Variants in OCA2 observed in about 807,000 individuals in gnomAD.
OCA2 encodes P protein.
OCA2 carries 77 observed loss-of-function variants against 100.2 expected under a neutral mutation model. That is an observed-to-expected ratio of 0.77 (90% confidence interval 0.64 to 0.93). The LOEUF (loss-of-function observed/expected upper bound fraction) is 0.93. OCA2 is among the 40% of genes least tolerant of loss of function. The pLI, the probability that OCA2 is intolerant of heterozygous loss-of-function variation, is 0.00. For missense variants in OCA2, 1,062 were observed against 1,089.1 expected (o/e 0.98, Z 0.35); for synonymous variants, 432 against 439.2 (o/e 0.98, Z 0.21).
intron 23 of OCA2, among the ~76,000 whole-genome samples, chr15:27,781,599 T>C (rs903138574): frequency 2.6e-5 from 4 of 152,250 alleles, no homozygotes; most frequent in Admixed American, 2.6e-4. Flanking sequence ...TTGTGTGCTT[T>C]ATCATCTTTA....
chr15:27,955,677 A>T (rs1249923672), intron 16 of OCA2, among the ~76,000 whole-genome samples: 2 of 151,834 alleles, frequency 1.3e-5, no homozygotes, highest in Non-Finnish European at 2.9e-5. Context: ...GTTGTTTTTT[A>T]TCAATCGATG....
At chr15:27,798,021 C>T (rs886982709) in intron 23 of OCA2, among the ~76,000 whole-genome samples, 2 of 152,224 alleles carry the variant, frequency 1.3e-5, no homozygotes, top group Non-Finnish European at 2.9e-5. Flanking sequence ...AGCAGGTGTG[C>T]AGGCACCAGG....
intron 19 of OCA2, among the ~76,000 whole-genome samples, chr15:27,886,088 C>G (rs550922362): frequency 6.6e-6 from 1 of 152,160 alleles, no homozygotes. Flanking sequence ...TTGGGAAGAG[C>G]ATCCCACGTA....
At chr15:27,728,019 G>A in the OCA2 span, among the ~76,000 whole-genome samples, 147 of 152,192 alleles carry the variant, frequency 9.7e-4, 1 homozygote, top group African/African-American at 3.4e-3. Context: ...TCTCACACAC[G>A]CCAAAGGCAT....
At chr15:27,920,990 GAAT>G (rs2038836286) in intron 19 of OCA2, among the ~76,000 whole-genome samples, 1 of 143,852 alleles carries the variant, frequency 7.0e-6, no homozygotes, top group Non-Finnish European at 1.5e-5. Flanking sequence ...AAAAGGAAGA[GAAT>G]AATTTTTTTT....
chr15:27,845,156 T>C, intron 22 of OCA2, 104 bp from the exon 23 acceptor site: 2 of 892,068 alleles, frequency 2.2e-6, no homozygotes, highest in Non-Finnish European at 3.7e-6. Context: ...TTGATTTGAT[T>C]ATTATTTTAT....
intron 21 of OCA2, among the ~76,000 whole-genome samples, chr15:27,854,975 G>A (rs150877584): frequency 2.6e-5 from 4 of 152,310 alleles, no homozygotes; most frequent in Admixed American, 1.3e-4. Context: ...CCTGTGCTGC[G>A]AGGTCCATCA....
chr15:27,843,481 C>A (rs114421741), intron 23 of OCA2, among the ~76,000 whole-genome samples: 117 of 152,304 alleles, frequency 7.7e-4, no homozygotes, highest in African/African-American at 2.5e-3. Context: ...TAAGGTAATT[C>A]TTGTTTAACT....
At chr15:28,017,768 T>C (rs769802532) in intron 7 of OCA2, among the ~76,000 whole-genome samples, 2 of 152,184 alleles carry the variant, frequency 1.3e-5, no homozygotes, top group Non-Finnish European at 2.9e-5. Flanking sequence ...GAACCAGGGC[T>C]ACGACTTCCA....
chr15:27,982,046 T>TA (rs1324789672), intron 14 of OCA2, among the ~76,000 whole-genome samples: 2 of 148,240 alleles, frequency 1.3e-5, no homozygotes, highest in East Asian at 5.4e-4. Context: ...TTCCATGTGT[T>TA]TTGTCTGGTT....
At chr15:27,824,516 A>G (rs1595470611) in intron 23 of OCA2, among the ~76,000 whole-genome samples, 1 of 150,766 alleles carries the variant, frequency 6.6e-6, no homozygotes, top group East Asian at 2.0e-4. Context: ...ATTAAAACAG[A>G]GGGGCAGGCA....
At chr15:27,736,972 T>C in the OCA2 span, among the ~76,000 whole-genome samples, 1 of 152,244 alleles carries the variant, frequency 6.6e-6, no homozygotes, top group African/African-American at 2.4e-5. Context: ...CTGTGGGAAT[T>C]ATTAATTAAA....
At chr15:27,785,515 T>A (rs72708998) in intron 23 of OCA2, among the ~76,000 whole-genome samples, 42,163 of 152,002 alleles carry the variant, frequency 0.28, 6,919 homozygotes, top group Non-Finnish European at 0.37. Context: ...GAAATTCAAA[T>A]CAAAACCACA....
chr15:27,991,083 A>G (rs767277108), intron 9 of OCA2, among the ~76,000 whole-genome samples: 41 of 152,358 alleles, frequency 2.7e-4, no homozygotes, highest in Admixed American at 2.0e-3. Flanking sequence ...GTGTTATCAC[A>G]AAAGCATCTT....
intron 19 of OCA2, among the ~76,000 whole-genome samples, chr15:27,878,299 T>C (rs898361744): frequency 1.4e-4 from 21 of 152,152 alleles, no homozygotes; most frequent in Admixed American, 1.3e-4. Flanking sequence ...TATTTACCAT[T>C]TCTGCTGTTC....
intron 23 of OCA2, among the ~76,000 whole-genome samples, chr15:27,770,284 C>T (rs1236107575): frequency 1.3e-5 from 2 of 152,102 alleles, no homozygotes; most frequent in Non-Finnish European, 2.9e-5. Context: ...CGCGGGGCCA[C>T]GGAGACACTG....
the OCA2 span, among the ~76,000 whole-genome samples, chr15:27,728,084 C>G: frequency 2.6e-5 from 4 of 152,166 alleles, no homozygotes; most frequent in Non-Finnish European, 1.5e-5. Flanking sequence ...ACTCCAAGTC[C>G]ATTATCTCAT....
At chr15:28,009,684 T>TCACACAAACACACA (rs2042185679) in intron 9 of OCA2, among the ~76,000 whole-genome samples, 1 of 138,008 alleles carries the variant, frequency 7.2e-6, no homozygotes, top group Non-Finnish European at 1.6e-5. Context: ...CGAGATTCTG[T>TCACACAAACACACA]CACACACACA....
At chr15:27,777,063 A>G (rs1489473210) in intron 23 of OCA2, among the ~76,000 whole-genome samples, 1 of 151,822 alleles carries the variant, frequency 6.6e-6, no homozygotes, top group Non-Finnish European at 1.5e-5. Context: ...ACACATCCCC[A>G]TCGGCGCCCA....
Sources: gnomAD v4.1 joint callset for allele counts (sites outside exome capture counted in the v4.1 genomes callset) on GRCh38, gnomAD v4.1.1 for gene constraint, MANE v1.5 for transcripts, NCBI Gene and HGNC (gene_info 2026-07-23, HGNC 2026-07-21) for gene names.